The following PDE11A variants were observed in gnomAD, a reference collection of about 807,000 sequenced individuals.
The protein encoded by PDE11A is phosphodiesterase 11A.
In PDE11A, 100 loss-of-function variants were observed where a neutral mutation model predicts 100.5. The observed-to-expected ratio is 1.00, with a 90% CI of 0.85 to 1.18. The LOEUF is 1.18. Among genes scored for constraint, PDE11A ranks in the 50% most tolerant of loss-of-function variants. The pLI, the probability that PDE11A is intolerant of heterozygous loss-of-function variation, is 0.00. For synonymous variants in PDE11A, 381 were observed against 420.8 expected (o/e 0.91, Z 1.16); for missense variants, 1,141 against 1,152.6 (o/e 0.99, Z 0.15).
At chr2:178,062,021 T>C (rs954382387) in intron 1 of PDE11A, among the ~76,000 whole-genome samples, 1 of 152,176 alleles carries the variant, frequency 6.6e-6, no homozygotes, top group African/African-American at 2.4e-5. Flanking sequence ...TAAAACTCCT[T>C]TCTATCTATT....
chr2:177,865,516 C>A (rs1045596603), intron 5 of PDE11A, among the ~76,000 whole-genome samples: 12 of 152,036 alleles, frequency 7.9e-5, no homozygotes, highest in African/African-American at 2.9e-4. Flanking sequence ...AGGCCTATAC[C>A]CAAAAGAACC....
intron 9 of PDE11A, among the ~76,000 whole-genome samples, chr2:177,792,335 A>G (rs191462478): frequency 2.3e-4 from 35 of 152,284 alleles, no homozygotes; most frequent in South Asian, 4.1e-4. Context: ...ATATGTGCCA[A>G]ATTGTTTTCA....
At chr2:177,764,192 CTTTAT>C (rs1014216773) in intron 10 of PDE11A, among the ~76,000 whole-genome samples, 15 of 152,142 alleles carry the variant, frequency 9.9e-5, no homozygotes, top group African/African-American at 3.6e-4. Flanking sequence ...ATTCTTGGTA[CTTTAT>C]TTTATTTTAT....
At chr2:178,101,129 G>A (rs1051680027) in intron 2 of PDE11A, among the ~76,000 whole-genome samples, 2 of 152,132 alleles carry the variant, frequency 1.3e-5, no homozygotes, top group Non-Finnish European at 2.9e-5. Context: ...CAAGCTCAGC[G>A]GCCCCCAAGC....
At chr2:177,944,861 C>G (rs2085387553) in intron 2 of PDE11A, among the ~76,000 whole-genome samples, 1 of 116,358 alleles carries the variant, frequency 8.6e-6, no homozygotes, top group South Asian at 3.2e-4. Context: ...CCTCTCCCCA[C>G]GGTCTCCCTC....
At chr2:177,731,542 C>T (rs77916189) in intron 10 of PDE11A, among the ~76,000 whole-genome samples, 3,280 of 152,220 alleles carry the variant, frequency 0.022, 113 homozygotes, top group African/African-American at 0.074. Flanking sequence ...TCACCCTGCA[C>T]GCCCACCCTC....
chr2:177,704,699 A>G (rs2081253503), intron 13 of PDE11A, among the ~76,000 whole-genome samples: 1 of 152,230 alleles, frequency 6.6e-6, no homozygotes, highest in East Asian at 1.9e-4. Flanking sequence ...CCGTGGCCAA[A>G]TAAGTTTGGA....
chr2:178,093,071 G>T (rs2087444377), intron 2 of PDE11A: 1 of 152,164 alleles, frequency 6.6e-6, no homozygotes, highest in African/African-American at 2.4e-5. Context: ...GACTCAGTAG[G>T]GAGGCTATTT....
At chr2:177,631,423 G>T (rs563963631) in intron 19 of PDE11A, among the ~76,000 whole-genome samples, 1 of 131,834 alleles carries the variant, frequency 7.6e-6, no homozygotes, top group South Asian at 2.6e-4. Context: ...AGAAGTTGCA[G>T]TGGGCTGAGA....
Position 177,859,099 on chromosome 2 carries a change from G to A in PDE11A, c.1367+16760C>T, listed in dbSNP as rs529511793. Among the ~76,000 whole-genome samples the A allele has an allele frequency of 2.2e-4, 34 of 152,216 alleles. 1 individual carries two copies. The South Asian group carries it at 6.5e-3, about 29-fold the overall frequency. On this transcript the variant is annotated intron_variant, in intron 5 of 19. Coordinates refer to ENST00000286063, the MANE Select transcript of PDE11A (RefSeq NM_016953.4). ...CATCACACACCAGGGCCTGTCGTGG[G>A]GTGGGGGGATCGGGGAGGGATAGCA...
In PDE11A at chr2:177,627,016, ACTTTTT is replaced by A. The variant is rs2105424433; in HGVS notation, c.*2385_*2390del. 1.1e-4 allele frequency: 3 copies of A among 27,478 alleles called. No homozygotes were observed. Among genetic ancestry groups the A allele is most frequent in the Admixed American group, 4.8e-4 (1 of 2,094 alleles). 1.7% of individuals were successfully genotyped at this position (27,478 alleles called of 1,614,324 possible). A position where few individuals can be genotyped will look rare whatever the true frequency, so the allele number is the denominator to read the frequency against. Reference sequence around the variant, plus strand: ...TTATTCCCCTCTTAGTCTGGTTTATACTTTTTTTTTTTTTTTTTTTTTTTTTTTTTT... The same window carrying A: ...TTATTCCCCTCTTAGTCTGGTTTATATTTTTTTTTTTTTTTTTTTTTTTTT... On this transcript the variant is annotated 3_prime_UTR_variant, in exon 20 of 20. Transcript: ENST00000286063.
intron 19 of PDE11A, among the ~76,000 whole-genome samples, chr2:177,651,714 G>C (rs1262056905): frequency 6.6e-6 from 1 of 151,754 alleles, no homozygotes; most frequent in Non-Finnish European, 1.5e-5. Context: ...CAGCTGTTCA[G>C]ATCACCTGTA....
chr2:177,635,030 ACT>A (rs1256594549), intron 19 of PDE11A, among the ~76,000 whole-genome samples: 1 of 151,616 alleles, frequency 6.6e-6, no homozygotes, highest in Non-Finnish European at 1.5e-5. Flanking sequence ...AAGACACCTG[ACT>A]CTCCTCTGTG....
chr2:177,644,515 A>C (rs2080191351), intron 19 of PDE11A, among the ~76,000 whole-genome samples: 3 of 152,344 alleles, frequency 2.0e-5, no homozygotes, highest in South Asian at 4.1e-4. Context: ...TCTAGGAAGT[A>C]ACTAACTTGC....
chr2:177,901,001 T>A (rs76218043), intron 3 of PDE11A, among the ~76,000 whole-genome samples: 1,815 of 152,270 alleles, frequency 0.012, 29 homozygotes, highest in African/African-American at 0.041. Flanking sequence ...CAGTTTATAG[T>A]TTATTGTTTA....
At chr2:177,660,079 CTT>C (rs1443854819) in intron 19 of PDE11A, among the ~76,000 whole-genome samples, 3 of 35,498 alleles carry the variant, frequency 8.5e-5, no homozygotes, top group Non-Finnish European at 1.9e-4. Context: ...TTCTTTCTTT[CTT>C]TCTTTCTTTC....
At chr2:177,632,954 C>A (rs570980066) in intron 19 of PDE11A, among the ~76,000 whole-genome samples, 2 of 152,278 alleles carry the variant, frequency 1.3e-5, no homozygotes, top group South Asian at 4.1e-4. Flanking sequence ...CCCAGGCTCC[C>A]CAGAATTCTG....
At chr2:177,938,938 T>C (rs568005166) in intron 2 of PDE11A, among the ~76,000 whole-genome samples, 2 of 152,258 alleles carry the variant, frequency 1.3e-5, no homozygotes, top group African/African-American at 4.8e-5. Flanking sequence ...AGGAAAACAA[T>C]GTGAAGACAC....
intron 2 of PDE11A, chr2:177,998,155 G>A: frequency 1.0e-6 from 1 of 996,512 alleles, no homozygotes; most frequent in Admixed American, 1.7e-5. Flanking sequence ...TCCACTTACT[G>A]TCTGTAAGCT....
Sources: allele counts gnomAD v4.1 joint callset (sites outside exome capture counted in the v4.1 genomes callset), GRCh38; gene constraint gnomAD v4.1.1; transcripts MANE v1.5; gene names NCBI Gene and HGNC (gene_info 2026-07-23, HGNC 2026-07-21).